The following ADAMTSL1 variants were observed in gnomAD, a reference collection of about 807,000 sequenced individuals.
The protein encoded by ADAMTSL1 is ADAMTS like 1, also known as ADAMTS-like protein 1.
ADAMTSL1 carries 126 observed loss-of-function variants against 201.8 expected under a neutral mutation model. The ratio of observed to expected loss-of-function variants is 0.62; its 90% CI spans 0.54 to 0.72. The LOEUF is 0.72. Ranked by LOEUF, ADAMTSL1 falls within the 30% of genes least tolerant of loss-of-function variation. ADAMTSL1 has a pLI of 0.00. For missense variants in ADAMTSL1, 2,679 were observed against 2,277.8 expected, an observed-to-expected ratio of 1.18 and a Z score of -3.59; for synonymous variants, 1,121 against 903.4, an observed-to-expected ratio of 1.24 and a Z score of -4.32.
intron 1 of ADAMTSL1, among the ~76,000 whole-genome samples, chr9:17,962,985 A>G (rs1285535872): frequency 6.6e-6 from 1 of 152,258 alleles, no homozygotes; most frequent in Non-Finnish European, 1.5e-5. Flanking sequence ...GGGCCAGGAG[A>G]TAGGATTCCC....
At chr9:18,698,007 GTAA>G (rs1323462593) in intron 13 of ADAMTSL1, among the ~76,000 whole-genome samples, 1 of 152,110 alleles carries the variant, frequency 6.6e-6, no homozygotes, top group African/African-American at 2.4e-5. Flanking sequence ...CTATTAAATG[GTAA>G]TAATAATAGT....
At chr9:18,509,116 G>A (rs1393537454) in intron 2 of ADAMTSL1, among the ~76,000 whole-genome samples, 7 of 106,298 alleles carry the variant, frequency 6.6e-5, no homozygotes, top group East Asian at 2.3e-4. Flanking sequence ...CCCGGGAGGC[G>A]GAGCTTGCAG....
intron 20 of ADAMTSL1, among the ~76,000 whole-genome samples, chr9:18,806,964 C>CTT (rs1469730146): frequency 1.3e-5 from 2 of 152,090 alleles, no homozygotes; most frequent in Non-Finnish European, 2.9e-5. Flanking sequence ...CTGTGAGGCT[C>CTT]TATTTCCCCT....
At chr9:18,450,771 T>C (rs1476558460) in intron 2 of ADAMTSL1, among the ~76,000 whole-genome samples, 5 of 152,118 alleles carry the variant, frequency 3.3e-5, no homozygotes, top group African/African-American at 9.7e-5. Flanking sequence ...GTTGAGAGAG[T>C]AGGAAGAGGC....
At position 18,826,325 on chromosome 9, in the gene ADAMTSL1, A is replaced by C. The variant is rs1824557092; in HGVS notation, c.3976A>C (p.Lys1326Gln). Residue 1326 changes from lysine to glutamine, a missense_variant, in exon 22 of 29, where the codon AAA becomes CAA. By Grantham distance (53) the Lys-to-Gln change is moderately conservative. Coordinates refer to ENST00000380548, the MANE Select transcript of ADAMTSL1 (RefSeq NM_001040272.6). ...AGTCACTTGGTTCAGGAATAAAAGCAAACTGGGCTCCCCGCACCATCTGCA... is the reference window on the plus strand; with the variant it reads ...AGTCACTTGGTTCAGGAATAAAAGCCAACTGGGCTCCCCGCACCATCTGCA... ...AEVTWFRNKS[K>Q]LGSPHHLHEG... 6.2e-7 allele frequency: 1 copy of C among 1,613,426 alleles called. No homozygotes were observed. Among genetic ancestry groups the C allele is most frequent in the East Asian group, 2.2e-5 (1 of 44,844 alleles).
intron 1 of ADAMTSL1, among the ~76,000 whole-genome samples, chr9:18,083,552 A>C (rs1009753872): frequency 1.2e-4 from 18 of 152,198 alleles, no homozygotes; most frequent in African/African-American, 4.1e-4. Context: ...TTTCAGGCTT[A>C]AACCTTTGAT....
At chr9:18,471,166 T>C (rs1587306841), upstream of ADAMTSL1, among the ~76,000 whole-genome samples, 1 of 152,166 alleles carries the variant, frequency 6.6e-6, no homozygotes, top group South Asian at 2.1e-4. Context: ...CATCGTCAGG[T>C]AACATATACC....
chr9:18,432,368 G>A (rs1350647104), intron 2 of ADAMTSL1, among the ~76,000 whole-genome samples: 1 of 152,184 alleles, frequency 6.6e-6, no homozygotes. Flanking sequence ...TTTTCACCAT[G>A]TATGAATCTT....
chr9:18,509,019 C>G (rs1817853469), intron 2 of ADAMTSL1, among the ~76,000 whole-genome samples: 1 of 116,936 alleles, frequency 8.6e-6, no homozygotes, highest in Admixed American at 8.0e-5. Context: ...CCCGTCTCTA[C>G]TAAAAATACA....
chr9:18,721,826 C>T (rs1205785397), intron 15 of ADAMTSL1, among the ~76,000 whole-genome samples, 161 bp downstream of exon 15: 2 of 152,190 alleles, frequency 1.3e-5, no homozygotes, highest in Non-Finnish European at 2.9e-5. Context: ...TTAATTGAAA[C>T]CAGGGCTTTG....
At position 18,684,765 on chromosome 9, in the gene ADAMTSL1, G is replaced by A; in HGVS notation, c.1539G>A (p.Glu513=). The change falls in exon 13 of 29, where the codon GAG becomes GAA. Residue 513 remains glutamate (E), a synonymous_variant. Coordinates refer to ENST00000380548, the MANE Select transcript of ADAMTSL1 (RefSeq NM_001040272.6). ...AKLPWFKQAQ[E]LEEGAAVSEE... is the part of the protein sequence containing the mutation. ...TGCCATGGTTCAAACAAGCTCAAGA[G>A]CTAGAAGAAGGAGCTGCTGTGTCAG... is the stretch of plus-strand genomic sequence containing the variant. 1 of 1,612,916 alleles carries A rather than the reference G, an allele frequency of 6.2e-7. No individual in the cohort carries two copies.
chr9:18,323,883 T>G (rs1438819316), intron 2 of ADAMTSL1, among the ~76,000 whole-genome samples: 1 of 152,160 alleles, frequency 6.6e-6, no homozygotes, highest in East Asian at 1.9e-4. Context: ...AGATTCAAAT[T>G]GTTAAAGATG....
chr9:18,855,750 C>T (rs1563861803), intron 23 of ADAMTSL1, among the ~76,000 whole-genome samples: 1 of 152,144 alleles, frequency 6.6e-6, no homozygotes, highest in African/African-American at 2.4e-5. Context: ...AAATAATGAG[C>T]TCCCTGTACA....
intron 14 of ADAMTSL1, among the ~76,000 whole-genome samples, chr9:18,716,544 T>C (rs1832949861): frequency 6.7e-6 from 1 of 148,554 alleles, no homozygotes; most frequent in South Asian, 2.3e-4. Flanking sequence ...TGAGATACCA[T>C]CTCACACCAG....
intron 2 of ADAMTSL1, among the ~76,000 whole-genome samples, chr9:18,309,541 A>T (rs1338656978): frequency 2.0e-5 from 3 of 152,166 alleles, no homozygotes; most frequent in African/African-American, 7.2e-5. Context: ...ATACAGCAAT[A>T]ATAGACAAAC....
At chr9:18,079,669 G>T (rs751689870) in intron 1 of ADAMTSL1, among the ~76,000 whole-genome samples, 3 of 150,158 alleles carry the variant, frequency 2.0e-5, no homozygotes, top group African/African-American at 7.4e-5. Flanking sequence ...GAGACAGAGC[G>T]AGACTCTGTC....
At chr9:18,175,649 A>T (rs1828112286) in intron 2 of ADAMTSL1, among the ~76,000 whole-genome samples, 1 of 152,066 alleles carries the variant, frequency 6.6e-6, no homozygotes, top group Admixed American at 6.6e-5. Flanking sequence ...TCTGCCTGGA[A>T]TGTCTTCCTT....
intron 1 of ADAMTSL1, among the ~76,000 whole-genome samples, chr9:17,948,704 T>C (rs1310717695): frequency 1.3e-5 from 2 of 152,212 alleles, no homozygotes; most frequent in East Asian, 1.9e-4. Context: ...AAGTGGCTTA[T>C]TGTGATGTTA....
At chr9:18,455,977 C>T (rs149013117) in intron 2 of ADAMTSL1, among the ~76,000 whole-genome samples, 251 of 152,208 alleles carry the variant, frequency 1.6e-3, no homozygotes, top group African/African-American at 5.9e-3. Flanking sequence ...ACTAAAAGCC[C>T]TCCCATTTCA....
Sources: allele counts gnomAD v4.1 joint callset (sites outside exome capture counted in the v4.1 genomes callset), GRCh38; gene constraint gnomAD v4.1.1; transcripts MANE v1.5; gene names NCBI Gene and HGNC (gene_info 2026-07-23, HGNC 2026-07-21).